Variants in STK3 observed in about 807,000 individuals in gnomAD.
STK3 encodes serine/threonine kinase 3.
Under a neutral mutation model 58.0 loss-of-function variants are expected in STK3, and 41 were observed. The ratio of observed to expected loss-of-function variants is 0.71; its 90% CI spans 0.55 to 0.92. STK3 has a LOEUF of 0.92. Ranked by LOEUF, STK3 falls within the 40% of genes least tolerant of loss-of-function variation. The pLI, the probability that STK3 is intolerant of heterozygous loss-of-function variation, is 0.00. For missense variants in STK3, 479 were observed against 602.7 expected (o/e 0.79, Z 2.15); for synonymous variants, 170 against 191.0 (o/e 0.89, Z 0.91).
intron 8 of STK3, among the ~76,000 whole-genome samples, chr8:98,562,737 GAAAAAAAA>G (rs778049177): frequency 6.6e-3 from 114 of 17,378 alleles, no homozygotes; most frequent in African/African-American, 0.032. Flanking sequence ...CACAAAAAAT[GAAAAAAAA>G]AAAAAAAAAA....
chr8:98,426,287 C>G (rs1484006511), intron 3 of STK3, among the ~76,000 whole-genome samples: 2 of 152,294 alleles, frequency 1.3e-5, no homozygotes, highest in Middle Eastern at 3.4e-3. Flanking sequence ...CGTCCCAGGT[C>G]CCCCCTGTGC....
Position 98,754,853 on chromosome 8 carries a change from A to C in STK3, c.237-5463T>G, listed in dbSNP as rs1475770185. On this transcript the variant is annotated intron_variant, in intron 3 of 10. Coordinates refer to ENST00000419617, the MANE Select transcript of STK3 (RefSeq NM_006281.4). ...ATGAATGTTCTCATTCAAAATTTTG[A>C]AAAGTGTTAAGTAACAATGAATTGA... Among the ~76,000 whole-genome samples the C allele has an allele frequency of 3.3e-5, 5 of 152,188 alleles. No homozygotes were observed. The East Asian group carries it at 9.6e-4, about 29-fold the overall frequency.
chr8:98,857,138 A>G (rs1320532952), intron 3 of STK3, among the ~76,000 whole-genome samples: 7 of 152,252 alleles, frequency 4.6e-5, no homozygotes, highest in Admixed American at 3.9e-4. Context: ...AAAATTGACT[A>G]TGGTAATGCA....
intron 3 of STK3, among the ~76,000 whole-genome samples, chr8:98,840,197 A>T (rs1476653422): frequency 6.6e-6 from 1 of 151,704 alleles, no homozygotes; most frequent in African/African-American, 2.4e-5. Context: ...AAATACAAAA[A>T]ATTAGCTGGG....
At chr8:98,906,440 C>A (rs10101219) in intron 1 of STK3, 1 of 152,296 alleles carries the variant, frequency 6.6e-6, no homozygotes, top group East Asian at 1.9e-4. Context: ...TTCTCATGGT[C>A]TGCAGCGCGG....
chr8:98,481,108 A>G (rs950820440), intron 10 of STK3, among the ~76,000 whole-genome samples: 1 of 152,094 alleles, frequency 6.6e-6, no homozygotes, highest in Admixed American at 6.6e-5. Flanking sequence ...TTTTGATACG[A>G]AAAAAAGTCA....
chr8:98,481,971 AC>A (rs1343795562), intron 10 of STK3, among the ~76,000 whole-genome samples: 1 of 152,198 alleles, frequency 6.6e-6, no homozygotes, highest in African/African-American at 2.4e-5. Context: ...TTGAATTCTC[AC>A]GTTTCTCACA....
At chr8:98,374,771 T>C (rs1214385236) in intron 2 of STK3, among the ~76,000 whole-genome samples, 1 of 152,184 alleles carries the variant, frequency 6.6e-6, no homozygotes, top group Non-Finnish European at 1.5e-5. Context: ...AAACTACATT[T>C]CATGAGAATG....
chr8:98,549,000 T>C (rs1810947971), intron 8 of STK3, among the ~76,000 whole-genome samples: 1 of 152,176 alleles, frequency 6.6e-6, no homozygotes, highest in Non-Finnish European at 1.5e-5. Flanking sequence ...TTTGTTTCCC[T>C]ATTTATCTGT....
At chr8:98,869,084 A>AAGGAAGGG (rs1564072458) in intron 3 of STK3, among the ~76,000 whole-genome samples, 3 of 144,530 alleles carry the variant, frequency 2.1e-5, no homozygotes, top group Non-Finnish European at 4.4e-5. Context: ...GGAAGGAAGG[A>AAGGAAGGG]GAGAAAGAGA....
chr8:98,488,905 C>G (rs934764163), intron 10 of STK3, among the ~76,000 whole-genome samples: 3 of 152,136 alleles, frequency 2.0e-5, no homozygotes, highest in Non-Finnish European at 4.4e-5. Flanking sequence ...CAAGTACTGA[C>G]CCGCATTATA....
intron 4 of STK3, among the ~76,000 whole-genome samples, chr8:98,711,677 T>A (rs543506151): frequency 6.6e-6 from 1 of 152,066 alleles, no homozygotes; most frequent in Non-Finnish European, 1.5e-5. Flanking sequence ...CTGAAAGTGA[T>A]GGGGAGAATG....
At chr8:98,714,735 C>A (rs1265480307) in intron 4 of STK3, among the ~76,000 whole-genome samples, 2 of 152,114 alleles carry the variant, frequency 1.3e-5, no homozygotes, top group Non-Finnish European at 2.9e-5. Flanking sequence ...TCAATGCCAT[C>A]CCCATCAAGC....
intron 6 of STK3, among the ~76,000 whole-genome samples, chr8:98,608,519 A>G (rs1456377239): frequency 6.6e-6 from 1 of 152,192 alleles, no homozygotes. Flanking sequence ...ACTTTTTTAC[A>G]TATTTGAAAT....
intron 1 of STK3, among the ~76,000 whole-genome samples, chr8:98,903,553 CTTCCTTT>C (rs1296884113): frequency 0.1 from 1,550 of 15,160 alleles, 89 homozygotes; most frequent in South Asian, 0.14. Flanking sequence ...TCTTCTTCTT[CTTCCTTT>C]TTTTTTTTTT....
chr8:98,815,803 A>C (rs1834506638), intron 1 of STK3, among the ~76,000 whole-genome samples: 1 of 152,244 alleles, frequency 6.6e-6, no homozygotes, highest in Non-Finnish European at 1.5e-5. Flanking sequence ...CTGGGTAACT[A>C]AACAGAAGAT....
chr8:98,345,648 T>C, the STK3 span, among the ~76,000 whole-genome samples: 2 of 151,996 alleles, frequency 1.3e-5, no homozygotes, highest in African/African-American at 4.8e-5. Flanking sequence ...GAACCAGGCA[T>C]GGAAAGAGGC....
intron 7 of STK3, among the ~76,000 whole-genome samples, chr8:98,592,921 G>A (rs898148556): frequency 6.6e-6 from 1 of 152,088 alleles, no homozygotes; most frequent in Middle Eastern, 3.4e-3. Flanking sequence ...GCACCACCAT[G>A]TCTGGCTAAT....
intron 10 of STK3, among the ~76,000 whole-genome samples, chr8:98,480,639 G>A (rs1038250564): frequency 2.6e-5 from 4 of 152,048 alleles, no homozygotes; most frequent in South Asian, 2.1e-4. Flanking sequence ...TGATAACAGC[G>A]ATGACAATAT....
Sources: gnomAD v4.1 joint callset for allele counts (sites outside exome capture counted in the v4.1 genomes callset) on GRCh38, gnomAD v4.1.1 for gene constraint, MANE v1.5 for transcripts, NCBI Gene and HGNC (gene_info 2026-07-23, HGNC 2026-07-21) for gene names.